TGFA: variants seen among roughly 807,000 people sequenced by gnomAD.
TGFA encodes the protein transforming growth factor alpha, also known as protransforming growth factor alpha.
In TGFA, 12 loss-of-function variants were observed where a neutral mutation model predicts 21.7. The observed-to-expected ratio is 0.55, with a 90% CI of 0.35 to 0.90. TGFA has a LOEUF of 0.90. TGFA is among the 40% of genes least tolerant of loss of function. The pLI is 0.01. For missense variants in TGFA, 178 were observed against 210.8 expected, an observed-to-expected ratio of 0.84 and a Z score of 0.96; for synonymous variants, 79 against 88.1, an observed-to-expected ratio of 0.90 and a Z score of 0.58.
At chr2:70,478,578 C>T (rs542377694) in intron 2 of TGFA, among the ~76,000 whole-genome samples, 27 of 152,238 alleles carry the variant, frequency 1.8e-4, no homozygotes, top group African/African-American at 6.5e-4. Flanking sequence ...CTCATCCATC[C>T]ATTCTTTAGT....
intron 4 of TGFA, among the ~76,000 whole-genome samples, chr2:70,455,758 A>G (rs1327523297): frequency 1.3e-5 from 2 of 152,098 alleles, no homozygotes; most frequent in East Asian, 3.9e-4. Context: ...GGGCAAGCAA[A>G]TGGGGCCAGG....
chr2:70,511,525 T>A (rs1672099157), intron 2 of TGFA, among the ~76,000 whole-genome samples: 3 of 152,166 alleles, frequency 2.0e-5, no homozygotes, highest in Non-Finnish European at 4.4e-5. Flanking sequence ...TAAATGCAAA[T>A]TAAAACGAAG....
chr2:70,503,436 AG>A (rs1350921921), intron 2 of TGFA, among the ~76,000 whole-genome samples: 1 of 57,148 alleles, frequency 1.7e-5, no homozygotes, highest in Non-Finnish European at 3.4e-5. Flanking sequence ...AGGTGGGGGG[AG>A]GGGGGAGGGA....
At chr2:70,504,019 T>C (rs1671822323) in intron 2 of TGFA, among the ~76,000 whole-genome samples, 1 of 152,158 alleles carries the variant, frequency 6.6e-6, no homozygotes, top group Admixed American at 6.5e-5. Flanking sequence ...AAACATCTAT[T>C]TGTGACCAGG....
At chr2:70,530,236 C>G (rs1356634136) in intron 1 of TGFA, among the ~76,000 whole-genome samples, 1 of 152,238 alleles carries the variant, frequency 6.6e-6, no homozygotes, top group African/African-American at 2.4e-5. Flanking sequence ...ATGAGTAAAT[C>G]TTATCTTGGT....
At chr2:70,479,915 A>C (rs192278457) in intron 2 of TGFA, among the ~76,000 whole-genome samples, 1 of 152,346 alleles carries the variant, frequency 6.6e-6, no homozygotes, top group East Asian at 1.9e-4. Context: ...AAATTCCTCA[A>C]AAAATCTTCT....
chr2:70,470,134 G>C (rs1451529693), intron 2 of TGFA, among the ~76,000 whole-genome samples: 1 of 151,880 alleles, frequency 6.6e-6, no homozygotes, highest in African/African-American at 2.4e-5. Flanking sequence ...AGAGAGACGG[G>C]GTGGGGTTAT....
At chr2:70,496,483 C>G (rs1317360686) in intron 2 of TGFA, among the ~76,000 whole-genome samples, 3 of 152,070 alleles carry the variant, frequency 2.0e-5, no homozygotes, top group Non-Finnish European at 1.5e-5. Context: ...CAGAAAGAGG[C>G]AAAAACTTAA....
rs568828186 is a variant in TGFA at position 70,468,213 on chromosome 2, C to T, written c.95-2477G>A. ...GAGGTATAACTAAAAGTCCAAGTGT[C>T]CCCTTTAGCCCTTAATGACAGTTAC... On this transcript the variant is annotated intron_variant, in intron 2 of 5. Coordinates refer to ENST00000295400, the MANE Select transcript of TGFA (RefSeq NM_003236.4). Among the ~76,000 whole-genome samples the T allele has an allele frequency of 5.9e-5, 9 of 152,306 alleles. No individual in the cohort carries two copies. The South Asian group carries it at 1.9e-3, about 32-fold the overall frequency.
At chr2:70,535,364 A>G (rs1388385768) in intron 1 of TGFA, among the ~76,000 whole-genome samples, 1 of 152,212 alleles carries the variant, frequency 6.6e-6, no homozygotes, top group African/African-American at 2.4e-5. Context: ...AGAGTATCTA[A>G]TATACAGTTA....
intron 1 of TGFA, among the ~76,000 whole-genome samples, chr2:70,522,584 TC>T (rs1672504813): frequency 6.6e-6 from 1 of 152,080 alleles, no homozygotes; most frequent in African/African-American, 2.4e-5. Context: ...CAGGTGTGTG[TC>T]ATCACACCCG....
At chr2:70,493,670 A>C (rs1299781477) in intron 2 of TGFA, among the ~76,000 whole-genome samples, 1 of 152,232 alleles carries the variant, frequency 6.6e-6, no homozygotes, top group Non-Finnish European at 1.5e-5. Context: ...TCTACTCGGC[A>C]GCCTCACCCA....
chr2:70,458,892 C>T lies in TGFA; in HGVS notation c.216-2404G>A, dbSNP rs539683641. 4.6e-5 allele frequency among the ~76,000 whole-genome samples: 7 copies of T among 152,302 alleles called. No homozygotes were observed. The South Asian group carries it at 8.3e-4, about 18-fold the overall frequency. On this transcript the variant is annotated intron_variant, in intron 3 of 5. Transcript: ENST00000295400. ...CAGGGCTTAGCTCTACAGAAACCTC[C>T]GGTGAACCACTGAACAGAATGGGGC... is the stretch of plus-strand genomic sequence containing the variant.
chr2:70,477,110 G>A (rs1670960422), intron 2 of TGFA, among the ~76,000 whole-genome samples: 1 of 152,182 alleles, frequency 6.6e-6, no homozygotes, highest in Non-Finnish European at 1.5e-5. Flanking sequence ...TTTATTGTTA[G>A]TGTTTTATTC....
chr2:70,478,460 T>G (rs781981222), intron 2 of TGFA, among the ~76,000 whole-genome samples: 2 of 151,848 alleles, frequency 1.3e-5, no homozygotes, highest in East Asian at 3.9e-4. Context: ...GCCATGATCA[T>G]GTATCTCACC....
At chr2:70,507,207 C>T (rs1671953155) in intron 2 of TGFA, among the ~76,000 whole-genome samples, 1 of 152,222 alleles carries the variant, frequency 6.6e-6, no homozygotes, top group African/African-American at 2.4e-5. Context: ...GACTGCAAGG[C>T]CGAGGCAGCC....
intron 2 of TGFA, among the ~76,000 whole-genome samples, chr2:70,470,536 T>A (rs1331215193): frequency 6.6e-6 from 1 of 152,222 alleles, no homozygotes; most frequent in Non-Finnish European, 1.5e-5. Flanking sequence ...TCATGTGCTG[T>A]GGTGGATGAC....
At chr2:70,548,050 A>C (rs539531326) in intron 1 of TGFA, among the ~76,000 whole-genome samples, 13 of 151,164 alleles carry the variant, frequency 8.6e-5, no homozygotes, top group Admixed American at 7.9e-4. Context: ...TGAAGACATT[A>C]AATTATAATC....
At chr2:70,474,746 T>C (rs1670870547) in intron 2 of TGFA, among the ~76,000 whole-genome samples, 1 of 152,218 alleles carries the variant, frequency 6.6e-6, no homozygotes, top group South Asian at 2.1e-4. Flanking sequence ...AGGCCTAAGA[T>C]GGACTTCTGA....
Sources: allele counts gnomAD v4.1 joint callset (sites outside exome capture counted in the v4.1 genomes callset), GRCh38; gene constraint gnomAD v4.1.1; transcripts MANE v1.5; gene names NCBI Gene and HGNC (gene_info 2026-07-23, HGNC 2026-07-21).